The following GRM8 variants were observed in gnomAD, a reference collection of about 807,000 sequenced individuals.
GRM8 encodes the protein metabotropic glutamate receptor 8.
Under a neutral mutation model 87.2 loss-of-function variants are expected in GRM8, and 47 were observed. The observed-to-expected ratio is 0.54, with a 90% confidence interval of 0.43 to 0.69. The LOEUF is 0.69. Ranked by LOEUF, GRM8 falls within the 30% of genes least tolerant of loss-of-function variation. GRM8 has a pLI of 0.00. For missense variants in GRM8, 1,019 were observed against 1,139.2 expected, an observed-to-expected ratio of 0.89 and a Z score of 1.52; for synonymous variants, 396 against 404.5, an observed-to-expected ratio of 0.98 and a Z score of 0.25.
At chr7:126,442,800 T>C (rs1421320618) in intron 10 of GRM8, among the ~76,000 whole-genome samples, 2 of 151,984 alleles carry the variant, frequency 1.3e-5, no homozygotes, top group Non-Finnish European at 2.9e-5. Flanking sequence ...CTATTGAGAA[T>C]TGAGAAAACA....
At chr7:126,759,715 C>A (rs953420896) in intron 7 of GRM8, among the ~76,000 whole-genome samples, 2 of 152,148 alleles carry the variant, frequency 1.3e-5, no homozygotes, top group East Asian at 1.9e-4. Context: ...TCAGTCCCAA[C>A]CCACTCATCT....
chr7:126,686,694 G>A (rs574712975), intron 7 of GRM8, among the ~76,000 whole-genome samples: 157 of 152,222 alleles, frequency 1.0e-3, no homozygotes, highest in African/African-American at 3.6e-3. Flanking sequence ...ACCACTCCAC[G>A]CCTGACTCAC....
chr7:126,461,617 A>G (rs1470227164), intron 9 of GRM8, among the ~76,000 whole-genome samples: 6 of 151,036 alleles, frequency 4.0e-5, no homozygotes, highest in Non-Finnish European at 8.9e-5. Flanking sequence ...TTAACATTCA[A>G]CTCTACATCC....
chr7:126,791,231 T>TA (rs1821274511), intron 6 of GRM8, among the ~76,000 whole-genome samples: 1 of 152,204 alleles, frequency 6.6e-6, no homozygotes, highest in African/African-American at 2.4e-5. Flanking sequence ...TACATTTTTT[T>TA]AAAAAACACT....
chr7:127,032,210 G>T (rs572062365), intron 3 of GRM8, among the ~76,000 whole-genome samples: 1 of 152,050 alleles, frequency 6.6e-6, no homozygotes, highest in Non-Finnish European at 1.5e-5. Context: ...TGTTCTCTTT[G>T]TGAGGCCCAG....
chr7:126,554,778 A>G (rs1247395198), intron 8 of GRM8, among the ~76,000 whole-genome samples: 2 of 152,328 alleles, frequency 1.3e-5, no homozygotes, highest in Non-Finnish European at 1.5e-5. Context: ...TTTTGTTTCC[A>G]GTCTTTCTTT....
intron 3 of GRM8, among the ~76,000 whole-genome samples, chr7:126,960,572 G>A (rs1041086068): frequency 3.3e-5 from 5 of 152,166 alleles, no homozygotes; most frequent in Non-Finnish European, 7.4e-5. Context: ...CCTATCAGGG[G>A]AGAAGGAGAG....
At chr7:126,770,407 T>C (rs1293170980) in intron 6 of GRM8, among the ~76,000 whole-genome samples, 1 of 152,072 alleles carries the variant, frequency 6.6e-6, no homozygotes, top group African/African-American at 2.4e-5. Flanking sequence ...AAATGTGCAG[T>C]GTGTGATTCT....
At chr7:126,700,127 C>T (rs1237640600) in intron 7 of GRM8, among the ~76,000 whole-genome samples, 1 of 152,094 alleles carries the variant, frequency 6.6e-6, no homozygotes, top group Non-Finnish European at 1.5e-5. Context: ...GAAGTTTCTC[C>T]ATTCAATTTC....
intron 3 of GRM8, among the ~76,000 whole-genome samples, chr7:126,950,344 TTC>T (rs1477378163): frequency 1.3e-5 from 2 of 152,208 alleles, no homozygotes; most frequent in African/African-American, 4.8e-5. Context: ...GAATATAACA[TTC>T]TGTTTAAATT....
intron 7 of GRM8, among the ~76,000 whole-genome samples, chr7:126,761,259 A>G (rs1425895380): frequency 6.6e-6 from 1 of 152,116 alleles, no homozygotes; most frequent in African/African-American, 2.4e-5. Context: ...TGATATATCA[A>G]TAGTATATAT....
intron 6 of GRM8, among the ~76,000 whole-genome samples, chr7:126,873,223 A>G (rs967081797): frequency 1.3e-5 from 2 of 152,178 alleles, no homozygotes; most frequent in Non-Finnish European, 1.5e-5. Flanking sequence ...TGAAATTGAC[A>G]GGTCAATTCA....
chr7:126,451,122 T>C (rs995054918), intron 9 of GRM8, among the ~76,000 whole-genome samples: 1 of 151,860 alleles, frequency 6.6e-6, no homozygotes, highest in Non-Finnish European at 1.5e-5. Flanking sequence ...AAATCACTTA[T>C]ATACTGACAA....
chr7:127,152,337 A>G (rs927066176), intron 2 of GRM8, among the ~76,000 whole-genome samples: 2 of 152,112 alleles, frequency 1.3e-5, no homozygotes, highest in African/African-American at 2.4e-5. Flanking sequence ...AATCCAAACT[A>G]TGACATACAG....
intron 6 of GRM8, among the ~76,000 whole-genome samples, chr7:126,876,937 T>TA (rs34353722): frequency 0.11 from 15,968 of 146,978 alleles, 877 homozygotes; most frequent in Middle Eastern, 0.15. Flanking sequence ...ACAAACTCTT[T>TA]AAAAAAAAAA....
intron 2 of GRM8, among the ~76,000 whole-genome samples, chr7:127,222,282 C>A (rs1215470005): frequency 6.6e-6 from 1 of 152,150 alleles, no homozygotes; most frequent in Non-Finnish European, 1.5e-5. Flanking sequence ...GTGGCACATA[C>A]CTATGGCCCC....
At chr7:126,827,219 G>A (rs1794898910) in intron 6 of GRM8, among the ~76,000 whole-genome samples, 1 of 152,138 alleles carries the variant, frequency 6.6e-6, no homozygotes, top group South Asian at 2.1e-4. Flanking sequence ...GGTTCCATAT[G>A]AACTTTAAAG....
chr7:126,614,044 C>T (rs200597358), intron 7 of GRM8, among the ~76,000 whole-genome samples: 25 of 152,290 alleles, frequency 1.6e-4, no homozygotes, highest in African/African-American at 4.1e-4. Context: ...TCTCCCAGCA[C>T]GGAGTTTGAG....
chr7:126,470,172 G>C (rs546553307), intron 9 of GRM8, among the ~76,000 whole-genome samples: 1 of 151,932 alleles, frequency 6.6e-6, no homozygotes, highest in Admixed American at 6.6e-5. Flanking sequence ...TCTGGCAGAA[G>C]AATTTCTTTT....
Sources: allele counts gnomAD v4.1 joint callset (sites outside exome capture counted in the v4.1 genomes callset), GRCh38; gene constraint gnomAD v4.1.1; transcripts MANE v1.5; gene names NCBI Gene and HGNC (gene_info 2026-07-23, HGNC 2026-07-21).